CNTNAP2: variants seen among roughly 807,000 people sequenced by gnomAD.
CNTNAP2 encodes contactin associated protein 2.
In CNTNAP2, 98 loss-of-function variants were observed where a neutral mutation model predicts 155.2. The ratio of observed to expected loss-of-function variants is 0.63; its 90% confidence interval spans 0.54 to 0.75. The LOEUF (loss-of-function observed/expected upper bound fraction) is 0.75. CNTNAP2 is among the 30% of genes least tolerant of loss of function. The probability of loss-of-function intolerance (pLI) is 0.00; values close to 1 mark genes in which losing one functional copy is unlikely to be tolerated. For synonymous variants in CNTNAP2, 651 were observed against 631.2 expected (o/e 1.03, Z -0.47); for missense variants, 1,727 against 1,688.1 (o/e 1.02, Z -0.40).
At chr7:146,292,238 T>C (rs747560997) in intron 1 of CNTNAP2, among the ~76,000 whole-genome samples, 3 of 152,170 alleles carry the variant, frequency 2.0e-5, no homozygotes, top group Non-Finnish European at 2.9e-5. Context: ...GTGTTCTCAC[T>C]GTTCATCTTC....
At chr7:147,011,958 T>C (rs995829895) in intron 3 of CNTNAP2, among the ~76,000 whole-genome samples, 1 of 152,190 alleles carries the variant, frequency 6.6e-6, no homozygotes, top group African/African-American at 2.4e-5. Context: ...TCCTTTTGTC[T>C]AATCACAGTT....
intron 13 of CNTNAP2, among the ~76,000 whole-genome samples, chr7:147,802,317 T>C (rs1584963115): frequency 7.5e-6 from 1 of 132,666 alleles, no homozygotes; most frequent in Non-Finnish European, 1.6e-5. Context: ...GAGGGGCTCC[T>C]CACATCCCAG....
intron 1 of CNTNAP2, among the ~76,000 whole-genome samples, chr7:146,513,032 T>C (rs1797490600): frequency 2.0e-5 from 3 of 151,984 alleles, no homozygotes; most frequent in African/African-American, 7.2e-5. Context: ...CTTTTATAAT[T>C]ACATAGTGAT....
At chr7:148,109,471 G>A (rs6980420) in intron 15 of CNTNAP2, among the ~76,000 whole-genome samples, 9,171 of 152,028 alleles carry the variant, frequency 0.06, 644 homozygotes, top group African/African-American at 0.17. Flanking sequence ...CGCAACCTCC[G>A]CTTCCCAGGT....
At chr7:146,454,044 A>G (rs1170896914) in intron 1 of CNTNAP2, among the ~76,000 whole-genome samples, 1 of 152,184 alleles carries the variant, frequency 6.6e-6, no homozygotes, top group Admixed American at 6.5e-5. Context: ...GAAGTTCAAA[A>G]AAATGGAAAA....
intron 13 of CNTNAP2, among the ~76,000 whole-genome samples, chr7:147,882,549 T>C (rs1279355137): frequency 6.6e-6 from 1 of 152,196 alleles, no homozygotes; most frequent in African/African-American, 2.4e-5. Flanking sequence ...CTGTAGGATT[T>C]ATGCTATGCT....
intron 1 of CNTNAP2, among the ~76,000 whole-genome samples, chr7:146,618,914 A>G (rs1257163220): frequency 1.3e-5 from 2 of 151,964 alleles, no homozygotes; most frequent in Non-Finnish European, 2.9e-5. Flanking sequence ...TACTAAAGAT[A>G]CAAAAATTAG....
chr7:147,862,753 A>C (rs115444715), intron 13 of CNTNAP2, among the ~76,000 whole-genome samples: 1 of 152,124 alleles, frequency 6.6e-6, no homozygotes, highest in African/African-American at 2.4e-5. Flanking sequence ...TAAAAAATAC[A>C]TGTCTTATTA....
At chr7:148,229,125 C>A (rs745731283) in intron 19 of CNTNAP2, among the ~76,000 whole-genome samples, 1 of 152,144 alleles carries the variant, frequency 6.6e-6, no homozygotes, top group Non-Finnish European at 1.5e-5. Flanking sequence ...TAAATATGTG[C>A]GAGCCTGGTG....
intron 21 of CNTNAP2, among the ~76,000 whole-genome samples, 166 bp from the exon 22 acceptor site, chr7:148,383,483 T>C (rs1472200764): frequency 2.0e-5 from 3 of 152,188 alleles, no homozygotes; most frequent in Non-Finnish European, 4.4e-5. Flanking sequence ...AAGTCAAGTA[T>C]GCAGCCCTAA....
intron 3 of CNTNAP2, among the ~76,000 whole-genome samples, chr7:147,018,088 G>A (rs1013299086): frequency 1.3e-5 from 2 of 152,076 alleles, no homozygotes; most frequent in Non-Finnish European, 2.9e-5. Context: ...GAAAATCAGT[G>A]TTTTGTAAAC....
At chr7:147,483,254 T>C (rs1268242736) in intron 10 of CNTNAP2, among the ~76,000 whole-genome samples, 2 of 152,022 alleles carry the variant, frequency 1.3e-5, no homozygotes, top group African/African-American at 4.8e-5. Flanking sequence ...ATCTAAGTAA[T>C]CTAGAGATGA....
At chr7:146,697,071 A>G (rs1471101754) in intron 1 of CNTNAP2, among the ~76,000 whole-genome samples, 4 of 152,244 alleles carry the variant, frequency 2.6e-5, no homozygotes, top group African/African-American at 4.8e-5. Context: ...GACTCTGTCA[A>G]TTGCTAATAG....
At chr7:146,330,145 C>A (rs1046778207) in intron 1 of CNTNAP2, among the ~76,000 whole-genome samples, 1 of 151,012 alleles carries the variant, frequency 6.6e-6, no homozygotes, top group African/African-American at 2.4e-5. Context: ...GCCTCAGCCT[C>A]CCAAGTAGCT....
chr7:148,012,648 G>C (rs12539425), intron 15 of CNTNAP2, among the ~76,000 whole-genome samples: 16,137 of 152,196 alleles, frequency 0.11, 1,204 homozygotes, highest in East Asian at 0.24. Flanking sequence ...AGTAAATTCA[G>C]AGTTGCCTAG....
Position 146,514,380 on chromosome 7 carries a change from G to C in CNTNAP2, c.98-259891G>C, listed in dbSNP as rs7803064. On this transcript the variant is annotated intron_variant, in intron 1 of 23. Coordinates refer to ENST00000361727, the MANE Select transcript of CNTNAP2 (RefSeq NM_014141.6). ...ATGACTCTTACATTTGCTCTTTAAA[G>C]GCTATTCTCTAGATCTCATAGGCGT... is the stretch of plus-strand genomic sequence containing the variant. Among the ~76,000 whole-genome samples, 359 of 151,970 alleles carry C rather than the reference G, an allele frequency of 2.4e-3. 4 individuals are homozygous for C. Among genetic ancestry groups the C allele is most frequent in the African/African-American group, 8.3e-3 (343 of 41,494 alleles).
chr7:147,061,211 T>TA (rs1473676194), intron 4 of CNTNAP2, among the ~76,000 whole-genome samples: 1 of 152,172 alleles, frequency 6.6e-6, no homozygotes, highest in Non-Finnish European at 1.5e-5. Flanking sequence ...CCATTGTACT[T>TA]ACAGTCAGAA....
chr7:147,665,517 A>G (rs957576944), intron 13 of CNTNAP2, among the ~76,000 whole-genome samples: 4 of 152,216 alleles, frequency 2.6e-5, no homozygotes, highest in Non-Finnish European at 4.4e-5. Context: ...GAGGTTTGCT[A>G]CATAGGTAAC....
At chr7:146,910,880 G>T (rs1406075265) in intron 3 of CNTNAP2, among the ~76,000 whole-genome samples, 1 of 150,676 alleles carries the variant, frequency 6.6e-6, no homozygotes, top group East Asian at 1.9e-4. Flanking sequence ...CCTACAAAAT[G>T]GGAGAAAATT....
Sources: gnomAD v4.1 joint callset for allele counts (sites outside exome capture counted in the v4.1 genomes callset) on GRCh38, gnomAD v4.1.1 for gene constraint, MANE v1.5 for transcripts, NCBI Gene and HGNC (gene_info 2026-07-23, HGNC 2026-07-21) for gene names.